The following RSRC1 variants were observed in gnomAD, a reference collection of about 807,000 sequenced individuals.
RSRC1 encodes the protein serine/Arginine-related protein 53.
A neutral mutation model predicts 49.1 loss-of-function variants in RSRC1; 39 were observed. That is an observed-to-expected ratio of 0.79 (90% CI 0.61 to 1.04). RSRC1 has a LOEUF of 1.04. Ranked by LOEUF, RSRC1 falls within the 50% of genes least tolerant of loss-of-function variation. The pLI is 0.00. For missense variants in RSRC1, 388 were observed against 402.4 expected (o/e 0.96, Z 0.31); for synonymous variants, 143 against 130.8 (o/e 1.09, Z -0.63).
chr3:158,461,113 G>T, intron 7 of RSRC1, 110 bp downstream of exon 7: 1 of 630,840 alleles, frequency 1.6e-6, no homozygotes, highest in Non-Finnish European at 2.7e-6. Flanking sequence ...GCTGTTTCAT[G>T]AACCAAAACT....
intron 4 of RSRC1, among the ~76,000 whole-genome samples, chr3:158,218,897 A>G (rs968274051): frequency 6.6e-6 from 1 of 151,644 alleles, no homozygotes; most frequent in Admixed American, 6.6e-5. Context: ...GGAGATTGCA[A>G]AGATGAATAA....
intron 7 of RSRC1, among the ~76,000 whole-genome samples, chr3:158,510,946 A>C (rs1396927477): frequency 6.6e-6 from 1 of 152,194 alleles, no homozygotes; most frequent in Non-Finnish European, 1.5e-5. Flanking sequence ...TTGAAATTAC[A>C]TTGACTCCAT....
Position 158,545,224 on chromosome 3 carries a change from C to T in RSRC1, c.*949C>T, listed in dbSNP as rs1457698117. The T allele has an allele frequency of 1.5e-4, 8 of 53,646 alleles. No individual in the cohort carries two copies. Among genetic ancestry groups the T allele is most frequent in the African/African-American group, 2.6e-4 (4 of 15,344 alleles). The allele number at this position is 53,646 out of a possible 1,614,324, so 3.3% of individuals were successfully genotyped here. On this transcript the variant is annotated 3_prime_UTR_variant, in exon 10 of 10. Coordinates refer to ENST00000611884, the MANE Select transcript of RSRC1 (RefSeq NM_001271838.2). ...TTTTTTTTTTTTTTTTTTTTTGAGA[C>T]GGAGTCTCGCTCTATCCCCCATGCT...
chr3:158,494,860 G>A (rs1343459326), intron 7 of RSRC1, among the ~76,000 whole-genome samples: 2 of 152,072 alleles, frequency 1.3e-5, no homozygotes, highest in South Asian at 2.1e-4. Flanking sequence ...TGGAGCTGTC[G>A]TCTCTTATGG....
intron 7 of RSRC1, chr3:158,496,499 G>T (rs1739328776): frequency 6.5e-6 from 1 of 153,034 alleles, no homozygotes; most frequent in Non-Finnish European, 1.5e-5. Flanking sequence ...CCCATGGAAA[G>T]ACAGCATTCA....
chr3:158,352,490 T>C (rs1213078576), intron 5 of RSRC1, among the ~76,000 whole-genome samples: 2 of 152,132 alleles, frequency 1.3e-5, no homozygotes, highest in Admixed American at 6.6e-5. Context: ...TAAAAAAATC[T>C]TTCCTTATGA....
chr3:158,261,315 T>C (rs1559966506), intron 4 of RSRC1, among the ~76,000 whole-genome samples: 1 of 152,244 alleles, frequency 6.6e-6, no homozygotes, highest in South Asian at 2.1e-4. Context: ...AATAGGTATA[T>C]AGTGGTGCAT....
At chr3:158,453,711 C>CTCT (rs1234499524) in intron 6 of RSRC1, among the ~76,000 whole-genome samples, 2 of 151,994 alleles carry the variant, frequency 1.3e-5, no homozygotes, top group Non-Finnish European at 2.9e-5. Context: ...TTTTCGGGTT[C>CTCT]TCTTCTTCTT....
intron 4 of RSRC1, among the ~76,000 whole-genome samples, chr3:158,297,528 A>ATT (rs1322535983): frequency 6.6e-6 from 1 of 151,988 alleles, no homozygotes; most frequent in East Asian, 1.9e-4. Flanking sequence ...GATAAGATTT[A>ATT]GTTATTTAGC....
intron 3 of RSRC1, among the ~76,000 whole-genome samples, chr3:158,136,573 T>C (rs1248173866): frequency 6.6e-6 from 1 of 152,120 alleles, no homozygotes; most frequent in African/African-American, 2.4e-5. Context: ...AGGTACAGAA[T>C]TTTTAGGGCT....
At chr3:158,534,435 G>A (rs1712603488) in intron 7 of RSRC1, among the ~76,000 whole-genome samples, 1 of 151,600 alleles carries the variant, frequency 6.6e-6, no homozygotes, top group Admixed American at 6.6e-5. Flanking sequence ...TTAAGTAAAT[G>A]TGACTATTAT....
rs1347735320 is a variant in RSRC1, at chr3:158,158,911, C to A, written c.320+34920C>A. Among the ~76,000 whole-genome samples, 9 of 149,828 alleles carry A rather than the reference C, an allele frequency of 6.0e-5. No individual in the cohort carries two copies. In the East Asian group the frequency reaches 1.8e-3, roughly 29 times the overall value. On this transcript the variant is annotated intron_variant, in intron 3 of 9. Transcript: ENST00000611884. ...CCGTGATCGTACCACTGCACTCCAG[C>A]CTTGGCAACAGAGTGAGACTCTGTC...
intron 3 of RSRC1, among the ~76,000 whole-genome samples, chr3:158,186,998 T>C (rs1419050305): frequency 6.6e-6 from 1 of 152,042 alleles, no homozygotes; most frequent in Non-Finnish European, 1.5e-5. Flanking sequence ...TTATAGATTT[T>C]ATTTGAAAAT....
chr3:158,368,106 T>A (rs1187601012), intron 6 of RSRC1, among the ~76,000 whole-genome samples: 10 of 152,238 alleles, frequency 6.6e-5, no homozygotes. Context: ...TGAGCAGATG[T>A]TAAGCAGACA....
At chr3:158,214,893 C>T (rs933636380) in intron 4 of RSRC1, among the ~76,000 whole-genome samples, 2 of 151,656 alleles carry the variant, frequency 1.3e-5, no homozygotes, top group Non-Finnish European at 2.9e-5. Flanking sequence ...GTTGTTAGGT[C>T]ATCTGTTGTA....
intron 4 of RSRC1, among the ~76,000 whole-genome samples, chr3:158,235,682 T>C (rs2107979841): frequency 6.6e-6 from 1 of 152,380 alleles, no homozygotes; most frequent in East Asian, 1.9e-4. Context: ...TCTGTATTTC[T>C]TCTAATAACA....
chr3:158,237,309 A>G (rs1723300405), intron 4 of RSRC1, among the ~76,000 whole-genome samples: 1 of 152,160 alleles, frequency 6.6e-6, no homozygotes, highest in Non-Finnish European at 1.5e-5. Flanking sequence ...ACTTACATAC[A>G]TGTCTCTGGA....
At position 158,154,200 on chromosome 3, in the gene RSRC1, A is replaced by G. The variant is rs368997860; in HGVS notation, c.320+30209A>G. 2.3e-4 allele frequency among the ~76,000 whole-genome samples: 35 copies of G among 152,296 alleles called. 1 individual carries two copies. The East Asian group carries it at 4.6e-3, about 20-fold the overall frequency. The stretch of plus-strand genomic sequence containing the variant: ...GCATTGTGTTTAAAAAACAATGTAC[A>G]TACCTTAATTTAAAAATACCTTATT... On this transcript the variant is annotated intron_variant, in intron 3 of 9. Transcript: ENST00000611884.
At chr3:158,524,323 A>G (rs1383437143) in intron 7 of RSRC1, among the ~76,000 whole-genome samples, 4 of 152,018 alleles carry the variant, frequency 2.6e-5, no homozygotes, top group Admixed American at 6.6e-5. Context: ...TTCCTTGCGA[A>G]TTTATGTGCC....
Sources: gnomAD v4.1 joint callset for allele counts (sites outside exome capture counted in the v4.1 genomes callset) on GRCh38, gnomAD v4.1.1 for gene constraint, MANE v1.5 for transcripts, NCBI Gene and HGNC (gene_info 2026-07-23, HGNC 2026-07-21) for gene names.